Variants in FRMPD1 observed in about 807,000 individuals in gnomAD.
The protein encoded by FRMPD1 is FERM and PDZ domain containing 1, also known as FERM and PDZ domain-containing protein 1.
FRMPD1 carries 76 observed loss-of-function variants against 117.8 expected under a neutral mutation model. That is an observed-to-expected ratio of 0.65 (90% CI 0.54 to 0.78). FRMPD1 has a LOEUF of 0.78. Ranked by LOEUF, FRMPD1 falls within the 30% of genes least tolerant of loss-of-function variation. FRMPD1 has a pLI of 0.00. For synonymous variants in FRMPD1, 783 were observed against 770.4 expected (o/e 1.02, Z -0.27); for missense variants, 1,786 against 1,964.5 (o/e 0.91, Z 1.72).
rs188732021 is a variant in FRMPD1, at chr9:37,744,996, A to C, written c.2964A>C (p.Gln988His). ...GPDTAQARPSQILPLSQDLDG... is the reference protein window; with the variant it reads ...GPDTAQARPSHILPLSQDLDG... Reference sequence around the variant, plus strand: ...ATACTGCTCAGGCAAGGCCTTCCCAAATCTTACCTCTATCTCAAGACCTGG... The same window carrying C: ...ATACTGCTCAGGCAAGGCCTTCCCACATCTTACCTCTATCTCAAGACCTGG... Residue 988 changes from glutamine to histidine, a missense_variant, in exon 16 of 16, where the codon CAA becomes CAC. Transcript: ENST00000377765. 5.5e-5 allele frequency: 88 copies of C among 1,614,106 alleles called. No homozygotes were observed. The East Asian group carries it at 6.5e-4, about 12-fold the overall frequency.
chr9:37,639,837 T>A, the FRMPD1 span, among the ~76,000 whole-genome samples: 1 of 152,154 alleles, frequency 6.6e-6, no homozygotes, highest in Non-Finnish European at 1.5e-5. Flanking sequence ...GCTGTTGTAT[T>A]TTTTGTAGAG....
the FRMPD1 span, among the ~76,000 whole-genome samples, chr9:37,633,315 GCAGGCATGAGC>G: frequency 1.3e-5 from 2 of 152,158 alleles, no homozygotes; most frequent in Non-Finnish European, 2.9e-5. Context: ...TGCTGGGATT[GCAGGCATGAGC>G]CACTGCTCCT....
the FRMPD1 span, among the ~76,000 whole-genome samples, chr9:37,622,460 A>G: frequency 1.3e-5 from 2 of 152,220 alleles, no homozygotes; most frequent in South Asian, 2.1e-4. Flanking sequence ...CTCACACATC[A>G]GAGAGACAAG....
the FRMPD1 span, among the ~76,000 whole-genome samples, chr9:37,638,008 C>CTTTG: frequency 1.9e-5 from 2 of 107,198 alleles, no homozygotes; most frequent in Non-Finnish European, 4.0e-5. Flanking sequence ...TTCTTTCTTT[C>CTTTG]TTTCTTTCTT....
At chr9:37,633,578 G>T in the FRMPD1 span, among the ~76,000 whole-genome samples, 1 of 152,212 alleles carries the variant, frequency 6.6e-6, no homozygotes, top group African/African-American at 2.4e-5. Flanking sequence ...AAAAAAAGCA[G>T]CCTGGTGCAG....
At chr9:37,672,398 A>T (rs997857060) in intron 1 of FRMPD1, among the ~76,000 whole-genome samples, 1 of 151,000 alleles carries the variant, frequency 6.6e-6, no homozygotes, top group African/African-American at 2.5e-5. Flanking sequence ...TGAGAGGGGG[A>T]GTGGGGCCTG....
At chr9:37,639,929 C>T in the FRMPD1 span, among the ~76,000 whole-genome samples, 1 of 152,168 alleles carries the variant, frequency 6.6e-6, no homozygotes, top group African/African-American at 2.4e-5. Flanking sequence ...AATGAGTGAA[C>T]AGAATTGCAT....
chr9:37,700,637 C>A (rs1184220454), intron 2 of FRMPD1, among the ~76,000 whole-genome samples: 1 of 152,160 alleles, frequency 6.6e-6, no homozygotes, highest in Non-Finnish European at 1.5e-5. Flanking sequence ...TGGTAGTTTT[C>A]CTTTTCAGTG....
intron 1 of FRMPD1, among the ~76,000 whole-genome samples, chr9:37,664,364 T>C (rs1049095642): frequency 1.3e-5 from 2 of 152,126 alleles, no homozygotes; most frequent in Non-Finnish European, 2.9e-5. Context: ...TGTGCGAGTT[T>C]GTTACATAGG....
At position 37,737,228 on chromosome 9, in the gene FRMPD1, G is replaced by T. The variant is rs766984686; in HGVS notation, c.1534G>T (p.Val512Leu). Residue 512 changes from valine (V) to leucine (L), a missense_variant, in exon 14 of 16, where the codon GTA becomes TTA. Val to Leu is a conservative substitution (Grantham distance 32). Transcript: ENST00000377765. ...TGGAAACAAACAACAAGCGCACCGG[G>T]TATCTGCAGAAGAAGGTGAGGCACT... ...WPGNKQQAHRVSAEEGYESRA... is the reference protein window; with the variant it reads ...WPGNKQQAHRLSAEEGYESRA... The T allele has an allele frequency of 8.7e-6, 14 of 1,613,994 alleles. No homozygotes were observed. Among genetic ancestry groups the T allele is most frequent in the African/African-American group, 1.3e-5 (1 of 74,900 alleles).
chr9:37,708,574 C>T, intron 4 of FRMPD1, 73 bp downstream of exon 4: 2 of 905,144 alleles, frequency 2.2e-6, no homozygotes, highest in South Asian at 2.7e-5. Flanking sequence ...ACAGGAATGG[C>T]ATAACTGATC....
chr9:37,684,461 T>C (rs1821850659), intron 1 of FRMPD1, among the ~76,000 whole-genome samples: 1 of 152,258 alleles, frequency 6.6e-6, no homozygotes, highest in Admixed American at 6.5e-5. Flanking sequence ...GCTCAGACTT[T>C]ATCCTAAAGA....
chr9:37,617,297 CT>C, the FRMPD1 span, among the ~76,000 whole-genome samples: 2 of 152,212 alleles, frequency 1.3e-5, no homozygotes, highest in Non-Finnish European at 2.9e-5. Flanking sequence ...TCCAGTTCTG[CT>C]GGCTGGAGTG....
At chr9:37,743,520 CTTTTTTTTTTT>C (rs531949141) in intron 15 of FRMPD1, among the ~76,000 whole-genome samples, 11 of 40,930 alleles carry the variant, frequency 2.7e-4, no homozygotes, top group Non-Finnish European at 3.3e-4. Context: ...AATGGCTCTG[CTTTTTTTTTTT>C]TTTTTTTTTT....
chr9:37,635,725 G>A, the FRMPD1 span, among the ~76,000 whole-genome samples: 14 of 152,326 alleles, frequency 9.2e-5, no homozygotes, highest in African/African-American at 3.4e-4. Flanking sequence ...CCAGAGGGCA[G>A]GGGACTAGGA....
At chr9:37,710,574 G>A (rs895826441) in intron 4 of FRMPD1, among the ~76,000 whole-genome samples, 22 of 152,244 alleles carry the variant, frequency 1.4e-4, no homozygotes, top group Middle Eastern at 3.4e-3. Flanking sequence ...TCTGATAAAC[G>A]TTATCCACAG....
Position 37,735,599 on chromosome 9 carries a change from T to C in FRMPD1, c.1266T>C (p.Tyr422=). Reference sequence around the variant, plus strand: ...TTGCCCTTCTAGTTGGAGCCAAGTATGGGATTAGCCAGGTTATCAATAGCA... The same window carrying C: ...TTGCCCTTCTAGTTGGAGCCAAGTACGGGATTAGCCAGGTTATCAATAGCA... ...SYIALLVGAK[Y]GISQVINSKL... is the part of the protein sequence containing the mutation. The change falls in exon 13 of 16, where the codon TAT becomes TAC. Residue 422 remains tyrosine, a synonymous_variant. Coordinates refer to ENST00000377765, the MANE Select transcript of FRMPD1 (RefSeq NM_014907.3). 1 of 1,614,014 alleles carries C rather than the reference T, an allele frequency of 6.2e-7. No individual in the cohort carries two copies. Among genetic ancestry groups the C allele is most frequent in the Non-Finnish European group, 8.5e-7 (1 of 1,179,852 alleles).
the FRMPD1 span, among the ~76,000 whole-genome samples, chr9:37,606,446 G>A: frequency 1.3e-5 from 2 of 152,156 alleles, no homozygotes; most frequent in Non-Finnish European, 2.9e-5. Context: ...TGGGTTGGAT[G>A]ACAAACTTTA....
At position 37,744,682 on chromosome 9, in the gene FRMPD1, G is replaced by A. The variant is rs144892500; in HGVS notation, c.2650G>A (p.Val884Met). 39 of 1,613,902 alleles carry A rather than the reference G, an allele frequency of 2.4e-5. No individual in the cohort carries two copies. Among genetic ancestry groups the A allele is most frequent in the Non-Finnish European group, 3.1e-5 (37 of 1,179,990 alleles). Residue 884 changes from valine (V) to methionine (M), a missense_variant, in exon 16 of 16, where the codon GTG becomes ATG. Coordinates refer to ENST00000377765, the MANE Select transcript of FRMPD1 (RefSeq NM_014907.3). ...YLALGAPSPT[V>M]SSLQDMQGEP... is the part of the protein sequence containing the mutation. ...GGCCCTTGGTGCACCCTCCCCAACT[G>A]TGTCCTCTCTGCAGGACATGCAGGG...
Sources: allele counts gnomAD v4.1 joint callset (sites outside exome capture counted in the v4.1 genomes callset), GRCh38; gene constraint gnomAD v4.1.1; transcripts MANE v1.5; gene names NCBI Gene and HGNC (gene_info 2026-07-23, HGNC 2026-07-21).